Variants in KSR2 observed in about 807,000 individuals in gnomAD.
KSR2 encodes kinase suppressor of ras 2.
In KSR2, 25 loss-of-function variants were observed where a neutral mutation model predicts 107.8. The ratio of observed to expected loss-of-function variants is 0.23; its 90% CI spans 0.17 to 0.32. The LOEUF (loss-of-function observed/expected upper bound fraction) is 0.32. Among genes scored for constraint, KSR2 ranks in the 10% least tolerant of loss-of-function variants. The probability of loss-of-function intolerance (pLI) is 1.00; values close to 1 mark genes in which losing one functional copy is unlikely to be tolerated. For missense variants in KSR2, 887 were observed against 1,268.9 expected, an observed-to-expected ratio of 0.70 and a Z score of 4.57; for synonymous variants, 480 against 507.0, an observed-to-expected ratio of 0.95 and a Z score of 0.71.
intron 5 of KSR2, among the ~76,000 whole-genome samples, chr12:117,616,313 G>T (rs996435996): frequency 6.6e-6 from 1 of 152,136 alleles, no homozygotes; most frequent in African/African-American, 2.4e-5. Flanking sequence ...ATAAGTAGCT[G>T]TCCAGCCCAC....
intron 1 of KSR2, among the ~76,000 whole-genome samples, chr12:117,924,572 CAAAAAAAAAAAAAAAA>C (rs58789868): frequency 5.8e-4 from 23 of 39,524 alleles, no homozygotes; most frequent in African/African-American, 2.1e-3. Context: ...AGCTCCATCT[CAAAAAAAAAAAAAAAA>C]AAAAAAAAGA....
At chr12:117,555,823 C>T (rs1163358610) in intron 8 of KSR2, among the ~76,000 whole-genome samples, 2 of 152,234 alleles carry the variant, frequency 1.3e-5, no homozygotes, top group Non-Finnish European at 2.9e-5. Flanking sequence ...TAAATAAATG[C>T]TTCCTGATCC....
rs1362662397 is a variant in KSR2, at chr12:117,456,797, C to G, written c.*10402G>C. ...CCACTGCCTGTCTCCATGCCCAAAT[C>G]AGTCACACGGGACTGGACAGAACTG... On this transcript the variant is annotated 3_prime_UTR_variant, in exon 20 of 20. Transcript: ENST00000339824. The G allele has an allele frequency of 6.6e-6, 1 of 152,266 alleles. No homozygotes were observed. Among genetic ancestry groups the G allele is most frequent in the Non-Finnish European group, 1.5e-5 (1 of 68,080 alleles). 9.4% of individuals were successfully genotyped at this position (152,266 alleles called of 1,614,324 possible). A position where few individuals can be genotyped will look rare whatever the true frequency, so the allele number is the denominator to read the frequency against.
intron 3 of KSR2, among the ~76,000 whole-genome samples, chr12:117,817,295 T>C (rs1382584950): frequency 6.6e-6 from 1 of 152,202 alleles, no homozygotes; most frequent in Non-Finnish European, 1.5e-5. Flanking sequence ...AAAACCATTC[T>C]AGCAAAACTT....
intron 3 of KSR2, among the ~76,000 whole-genome samples, chr12:117,791,015 C>T (rs1248126610): frequency 6.6e-6 from 1 of 152,224 alleles, no homozygotes; most frequent in Non-Finnish European, 1.5e-5. Flanking sequence ...CTCCTATCAA[C>T]CTTAATGGCT....
At chr12:117,667,353 A>G in intron 5 of KSR2, 121 bp downstream of exon 5, 2 of 954,376 alleles carry the variant, frequency 2.1e-6, no homozygotes, top group Non-Finnish European at 3.2e-6. Context: ...TACAGTGAGC[A>G]TTTCACAAGC....
In KSR2 at chr12:117,842,868, T is replaced by C. The variant is rs1488653162; in HGVS notation, c.472+12560A>G. Among the ~76,000 whole-genome samples, 3 of 151,696 alleles carry C rather than the reference T, an allele frequency of 2.0e-5. No homozygotes were observed. The East Asian group carries it at 5.8e-4, about 29-fold the overall frequency. On this transcript the variant is annotated intron_variant, in intron 3 of 19. Coordinates refer to ENST00000339824, the MANE Select transcript of KSR2 (RefSeq NM_173598.6). The surrounding 1 kb of genome is among the most constrained non-coding windows in gnomAD (Gnocchi z 4.2). ...CTTGGACCAGGTTGCTCGACAGGGGTTCTGCTGCAAGACAAAGGCTGGAGA... is the reference window on the plus strand; with the variant it reads ...CTTGGACCAGGTTGCTCGACAGGGGCTCTGCTGCAAGACAAAGGCTGGAGA...
At chr12:117,591,195 A>G (rs1880292482) in intron 5 of KSR2, among the ~76,000 whole-genome samples, 1 of 152,222 alleles carries the variant, frequency 6.6e-6, no homozygotes, top group South Asian at 2.1e-4. Context: ...CAATGTCTCT[A>G]CATGCAACTT....
intron 12 of KSR2, among the ~76,000 whole-genome samples, chr12:117,528,672 C>T (rs548746524): frequency 4.6e-5 from 7 of 152,204 alleles, no homozygotes; most frequent in South Asian, 2.1e-4. Flanking sequence ...TGAACCTGCA[C>T]GATGACAGCT....
At chr12:117,824,731 C>T (rs1385677443) in intron 3 of KSR2, among the ~76,000 whole-genome samples, 1 of 151,674 alleles carries the variant, frequency 6.6e-6, no homozygotes, top group Admixed American at 6.6e-5. Context: ...GTGGCAGGCG[C>T]CTGTAGTCCC....
intron 3 of KSR2, among the ~76,000 whole-genome samples, chr12:117,853,850 C>T (rs1458217735): frequency 6.6e-6 from 1 of 152,060 alleles, no homozygotes; most frequent in Non-Finnish European, 1.5e-5. Flanking sequence ...AGTGATTTTG[C>T]CTCCCTGGGA....
chr12:117,796,083 T>A (rs958554296), intron 3 of KSR2, among the ~76,000 whole-genome samples: 3 of 135,734 alleles, frequency 2.2e-5, no homozygotes, highest in Non-Finnish European at 4.8e-5. Context: ...TGTGCCACCA[T>A]GCCTAGCTAA....
chr12:117,785,270 C>T (rs1890024585), intron 3 of KSR2, among the ~76,000 whole-genome samples: 1 of 151,924 alleles, frequency 6.6e-6, no homozygotes, highest in Non-Finnish European at 1.5e-5. Flanking sequence ...CAAAAATTAG[C>T]TGGGCATGGT....
intron 5 of KSR2, among the ~76,000 whole-genome samples, chr12:117,616,452 T>A (rs1189475630): frequency 6.6e-6 from 1 of 152,186 alleles, no homozygotes; most frequent in Non-Finnish European, 1.5e-5. Context: ...CTATGCCTGC[T>A]CTTTTCTCTG....
intron 17 of KSR2, 140 bp downstream of exon 17, chr12:117,476,324 C>T (rs764708268): frequency 3.0e-5 from 29 of 958,932 alleles, no homozygotes; most frequent in Non-Finnish European, 4.1e-5. Context: ...TACTCAGGTT[C>T]CTCCATTCTC....
At chr12:117,841,092 G>C (rs189587689) in intron 3 of KSR2, among the ~76,000 whole-genome samples, 18 of 152,176 alleles carry the variant, frequency 1.2e-4, no homozygotes, top group African/African-American at 4.1e-4. Context: ...ACAATAGCTT[G>C]GGTACTTCTC....
intron 11 of KSR2, 26 bp from the exon 12 acceptor site, chr12:117,531,039 G>GAA: frequency 6.2e-7 from 1 of 1,600,408 alleles, no homozygotes. Flanking sequence ...TGAACACTCA[G>GAA]AAAAAAAATG....
intron 5 of KSR2, among the ~76,000 whole-genome samples, chr12:117,587,415 G>A (rs1395582376): frequency 1.3e-5 from 2 of 151,990 alleles, no homozygotes; most frequent in Non-Finnish European, 2.9e-5. Flanking sequence ...AGGAGGAGGG[G>A]GGACAGCAGC....
At position 117,530,984 on chromosome 12, in the gene KSR2, G is replaced by A. The variant is rs549564863; in HGVS notation, c.1759C>T (p.Arg587Trp). ...DVVPVPETPT[R>W]APQVILHPVT... ...GGATGCAGGATGACCTGGGGCGCCC[G>A]GGTCGGCGTCTCCGGCACCGGCACC... The change falls in exon 12 of 20, where the codon CGG (arginine) becomes TGG (tryptophan). Residue 587 changes from arginine (R) to tryptophan (W), a missense_variant. Physicochemically the swap from Arg to Trp is moderately radical, Grantham distance 101. This residue lies in a region of KSR2 where 308 missense variants were observed against 506.2 expected (regional missense o/e 0.61). Coordinates refer to ENST00000339824, the MANE Select transcript of KSR2 (RefSeq NM_173598.6). 79 of 1,613,608 alleles carry A rather than the reference G, an allele frequency of 4.9e-5. No individual in the cohort carries two copies. The Admixed American group carries it at 7.7e-4, about 16-fold the overall frequency.
Sources: allele counts gnomAD v4.1 joint callset (sites outside exome capture counted in the v4.1 genomes callset), GRCh38; gene constraint gnomAD v4.1.1; regional missense constraint gnomAD v4.1.1; non-coding constraint Gnocchi (gnomAD v3.1); transcripts MANE v1.5; gene names NCBI Gene and HGNC (gene_info 2026-07-23, HGNC 2026-07-21).